Variants in LRBA observed in about 807,000 individuals in gnomAD.
The protein encoded by LRBA is LPS responsive beige-like anchor protein, also known as lipopolysaccharide-responsive and beige-like anchor protein.
Under a neutral mutation model 330.0 loss-of-function variants are expected in LRBA, and 176 were observed. That is an observed-to-expected ratio of 0.53 (90% confidence interval 0.47 to 0.60). The LOEUF is 0.60. Ranked by LOEUF, LRBA falls within the 20% of genes least tolerant of loss-of-function variation. The pLI is 0.00. For missense variants in LRBA, 3,259 were observed against 3,444.8 expected (o/e 0.95, Z 1.35); for synonymous variants, 1,230 against 1,193.0 (o/e 1.03, Z -0.64).
In LRBA at chr4:150,993,759, G is replaced by A. The variant is rs369387329; in HGVS notation, c.216+20668C>T. ...TCTCATGAGACTTATTCACTACCAC[G>A]AGAACAGTATGGGGGAAACTGCCCC... On this transcript the variant is annotated intron_variant, in intron 2 of 56. Coordinates refer to ENST00000651943, the MANE Select transcript of LRBA (RefSeq NM_001364905.1). Among the ~76,000 whole-genome samples the A allele has an allele frequency of 1.1e-4, 17 of 152,182 alleles. No homozygotes were observed. The East Asian group carries it at 2.1e-3, about 19-fold the overall frequency.
intron 40 of LRBA, among the ~76,000 whole-genome samples, chr4:150,508,249 G>C (rs1012738975): frequency 1.5e-5 from 2 of 136,034 alleles, no homozygotes; most frequent in African/African-American, 5.3e-5. Flanking sequence ...AAGGGGGGGG[G>C]GGGGAGAAAA....
At chr4:150,377,015 C>A (rs1417260829) in intron 47 of LRBA, among the ~76,000 whole-genome samples, 1 of 151,778 alleles carries the variant, frequency 6.6e-6, no homozygotes, top group East Asian at 1.9e-4. Flanking sequence ...GAAAAAGAGG[C>A]TGGGTGTGGT....
chr4:150,539,851 A>G (rs983370112), intron 40 of LRBA, among the ~76,000 whole-genome samples: 10 of 152,236 alleles, frequency 6.6e-5, no homozygotes, highest in African/African-American at 2.2e-4. Context: ...GAAACTGTAT[A>G]TTTTATCAGA....
intron 37 of LRBA, among the ~76,000 whole-genome samples, chr4:150,626,911 C>CT: frequency 6.6e-6 from 1 of 152,054 alleles, no homozygotes; most frequent in East Asian, 1.9e-4. Flanking sequence ...AGATAATATT[C>CT]TTTTTTTAAA....
chr4:150,974,111 A>G (rs1404683603), intron 2 of LRBA, among the ~76,000 whole-genome samples: 1 of 152,170 alleles, frequency 6.6e-6, no homozygotes, highest in South Asian at 2.1e-4. Flanking sequence ...AACTAAACAA[A>G]ATACATAAAA....
intron 40 of LRBA, among the ~76,000 whole-genome samples, chr4:150,503,698 T>C (rs893751289): frequency 1.3e-5 from 2 of 152,034 alleles, no homozygotes; most frequent in African/African-American, 2.4e-5. Flanking sequence ...TCCTCCTCCA[T>C]AGGAACGCAG....
chr4:150,307,396 ATTAG>A (rs1181393806), intron 52 of LRBA, among the ~76,000 whole-genome samples: 1 of 152,132 alleles, frequency 6.6e-6, no homozygotes, highest in African/African-American at 2.4e-5. Flanking sequence ...TTACAGTTCT[ATTAG>A]TTCTATATTA....
chr4:150,591,494 A>G (rs1772825196), intron 38 of LRBA, among the ~76,000 whole-genome samples: 1 of 151,350 alleles, frequency 6.6e-6, no homozygotes, highest in Admixed American at 6.6e-5. Flanking sequence ...ACATACACTC[A>G]CTCCTCCGCC....
chr4:150,504,562 C>A (rs4419457), intron 40 of LRBA, among the ~76,000 whole-genome samples: 1 of 152,022 alleles, frequency 6.6e-6, no homozygotes, highest in Non-Finnish European at 1.5e-5. Flanking sequence ...TTGTCACCAC[C>A]AGGCCTGCCC....
chr4:150,387,496 C>T (rs561990981), intron 47 of LRBA, among the ~76,000 whole-genome samples: 206 of 152,152 alleles, frequency 1.4e-3, no homozygotes, highest in African/African-American at 4.7e-3. Flanking sequence ...ACCCTGTTGG[C>T]CTAAGAGTTG....
At chr4:150,698,205 A>T (rs923678290) in intron 36 of LRBA, among the ~76,000 whole-genome samples, 1 of 152,190 alleles carries the variant, frequency 6.6e-6, no homozygotes, top group African/African-American at 2.4e-5. Flanking sequence ...ATGTTGTATA[A>T]AATACACTGT....
In LRBA at chr4:150,394,029, C is replaced by T. The variant is rs1744373853; in HGVS notation, c.7194+21409G>A. ...TTACTTTTCTCTACTGAATGCATTT[C>T]CACATCAACAGTGTTACCAATCATT... On this transcript the variant is annotated intron_variant, in intron 47 of 56. Coordinates refer to ENST00000651943, the MANE Select transcript of LRBA (RefSeq NM_001364905.1). 2.0e-5 allele frequency among the ~76,000 whole-genome samples: 3 copies of T among 152,164 alleles called. No homozygotes were observed. The South Asian group carries it at 6.2e-4, about 31-fold the overall frequency.
intron 35 of LRBA, among the ~76,000 whole-genome samples, chr4:150,750,941 T>C (rs916602844): frequency 1.3e-5 from 2 of 148,338 alleles, no homozygotes; most frequent in Non-Finnish European, 3.0e-5. Context: ...ACTAAAAAAA[T>C]CTTTTGCTTC....
intron 37 of LRBA, among the ~76,000 whole-genome samples, chr4:150,679,847 G>A (rs934395650): frequency 3.3e-5 from 5 of 152,116 alleles, no homozygotes; most frequent in African/African-American, 4.8e-5. Flanking sequence ...TTAGAGATGA[G>A]AACCACCTCT....
intron 47 of LRBA, among the ~76,000 whole-genome samples, chr4:150,375,799 C>T (rs1005313961): frequency 1.3e-4 from 20 of 152,206 alleles, no homozygotes; most frequent in African/African-American, 4.6e-4. Context: ...GCTCCTGATA[C>T]CATTTTATAG....
rs1271577374 is a variant in LRBA, at chr4:150,771,103, A to C, written c.5581-9256T>G. ...AATCATTGTTGTGCCTCCTGGTGGA[A>C]GCATTTCTCCCTTTGGAAGTAAGAC... On this transcript the variant is annotated intron_variant, in intron 34 of 56. Transcript: ENST00000651943. Among the ~76,000 whole-genome samples, 3 of 152,180 alleles carry C rather than the reference A, an allele frequency of 2.0e-5. 1 individual carries two copies. Among genetic ancestry groups the C allele is most frequent in the African/African-American group, 7.2e-5 (3 of 41,434 alleles).
intron 44 of LRBA, among the ~76,000 whole-genome samples, chr4:150,443,853 A>AAAAAAATATATATATATATAT (rs70941406): frequency 6.6e-5 from 5 of 75,480 alleles, no homozygotes; most frequent in Non-Finnish European, 1.2e-4. Flanking sequence ...TAATTAAAAA[A>AAAAAAATATATATATATATAT]ATATATATAT....
At chr4:151,000,753 C>T (rs1193241756) in intron 2 of LRBA, among the ~76,000 whole-genome samples, 3 of 152,226 alleles carry the variant, frequency 2.0e-5, no homozygotes, top group African/African-American at 7.2e-5. Context: ...CTACTTGCCT[C>T]CTCCACTAGG....
chr4:150,711,684 ATAAC>A (rs1786236014), intron 36 of LRBA, among the ~76,000 whole-genome samples: 1 of 152,200 alleles, frequency 6.6e-6, no homozygotes, highest in African/African-American at 2.4e-5. Flanking sequence ...ATAACTATAA[ATAAC>A]TATTAAAAAA....
Sources: gnomAD v4.1 joint callset for allele counts (sites outside exome capture counted in the v4.1 genomes callset) on GRCh38, gnomAD v4.1.1 for gene constraint, MANE v1.5 for transcripts, NCBI Gene and HGNC (gene_info 2026-07-23, HGNC 2026-07-21) for gene names.